ICE1: variants seen among roughly 807,000 people sequenced by gnomAD.
ICE1 encodes the protein little elongation complex subunit 1.
A neutral mutation model predicts 192.7 loss-of-function variants in ICE1; 64 were observed. That is an observed-to-expected ratio of 0.33 (90% CI 0.27 to 0.41). The LOEUF is 0.41. Among genes scored for constraint, ICE1 ranks in the 10% least tolerant of loss-of-function variants. ICE1 has a pLI of 1.00. For synonymous variants in ICE1, 1,010 were observed against 984.5 expected, an observed-to-expected ratio of 1.03 and a Z score of -0.49; for missense variants, 2,708 against 2,696.0, an observed-to-expected ratio of 1.00 and a Z score of -0.10.
At chr5:5,436,226 A>G (rs776872704) in intron 1 of ICE1, among the ~76,000 whole-genome samples, 192 bp from the exon 2 acceptor site, 1 of 152,162 alleles carries the variant, frequency 6.6e-6, no homozygotes, top group Non-Finnish European at 1.5e-5. Context: ...AAGGAGTACT[A>G]TCATTCAGAT....
intron 16 of ICE1, 59 bp from the exon 17 acceptor site, chr5:5,475,914 G>A (rs2111399312): frequency 1.0e-6 from 1 of 1,003,620 alleles, no homozygotes; most frequent in South Asian, 1.4e-5. Flanking sequence ...TCATTTATAA[G>A]ATATTAGTAT....
chr5:5,478,104 C>A (rs530697938), intron 17 of ICE1, among the ~76,000 whole-genome samples: 9 of 152,198 alleles, frequency 5.9e-5, no homozygotes, highest in Admixed American at 1.3e-4. Context: ...TGTTCAACAT[C>A]GTATTGGAAG....
chr5:5,486,865 C>G, intron 18 of ICE1, 46 bp downstream of exon 18: 4 of 1,433,894 alleles, frequency 2.8e-6, no homozygotes, highest in Non-Finnish European at 3.8e-6. Flanking sequence ...ACTTGTGTTT[C>G]TCATAGTTAA....
In ICE1 at chr5:5,457,515, G is replaced by A. The variant is rs751376178; in HGVS notation, c.875G>A (p.Cys292Tyr). ...AAACAGAGCTCCAGTGGAACAAATT[G>A]TAGTTCTGACCATGTTTTTAATGAG... ...VEKQSSSGTN[C>Y]SSDHVFNENG... The change falls in exon 12 of 19, where the codon TGT becomes TAT. Residue 292 changes from cysteine to tyrosine, a missense_variant. By Grantham distance (194) the Cys-to-Tyr change is radical (BLOSUM62 -2). Transcript: ENST00000296564. The A allele has an allele frequency of 1.2e-6, 2 of 1,613,790 alleles. No individual in the cohort carries two copies. The highest frequency in any genetic ancestry group is 1.3e-5 in the African/African-American group (1 of 74,904).
intron 14 of ICE1, among the ~76,000 whole-genome samples, chr5:5,467,429 GC>G (rs1435646363): frequency 6.6e-6 from 1 of 152,176 alleles, no homozygotes; most frequent in East Asian, 1.9e-4. Flanking sequence ...ACCACAGCAA[GC>G]CCATTCTTAG....
chr5:5,462,367 A>G lies in ICE1; in HGVS notation c.3033A>G (p.Ser1011=), dbSNP rs1409059517. The G allele has an allele frequency of 6.2e-7, 1 of 1,614,064 alleles. No individual in the cohort carries two copies. The highest frequency in any genetic ancestry group is 2.2e-5 in the East Asian group (1 of 44,878). ...TTCCAGCCACAGAAGTGACTGTGTC[A>G]GGAGGGTTTTCTGTTGAAGAAACCA... The part of the protein sequence containing the change: ...EMLPATEVTV[S]GGFSVEETSC... The change falls in exon 13 of 19, where the codon TCA becomes TCG. Residue 1011 remains serine (S), a synonymous_variant. Transcript: ENST00000296564.
At position 5,464,494 on chromosome 5, in the gene ICE1, G is replaced by A. The variant is rs1283970865; in HGVS notation, c.5160G>A (p.Thr1720=). 3 of 1,613,902 alleles carry A rather than the reference G, an allele frequency of 1.9e-6. No homozygotes were observed. Among genetic ancestry groups the A allele is most frequent in the Non-Finnish European group, 2.5e-6 (3 of 1,179,882 alleles). Residue 1720 remains threonine (T), a synonymous_variant, in exon 13 of 19, where the codon ACG becomes ACA. Transcript: ENST00000296564. The surrounding 1 kb of genome is among the most constrained non-coding windows in gnomAD (Gnocchi z 4.0). Reference sequence around the variant, plus strand: ...CTCCTCTGCAGTTCTGTGCGGCCACGCCGAAGCACGCACTTCCTGTGCCTG... The same window carrying A: ...CTCCTCTGCAGTTCTGTGCGGCCACACCGAAGCACGCACTTCCTGTGCCTG... The part of the protein sequence containing the change: ...VPSPLQFCAA[T]PKHALPVPGR...
In ICE1 at chr5:5,473,661, T is replaced by A; in HGVS notation, c.6326T>A (p.Leu2109Gln). The A allele has an allele frequency of 6.2e-7, 1 of 1,613,232 alleles. No individual in the cohort carries two copies. Among genetic ancestry groups the A allele is most frequent in the Non-Finnish European group, 8.5e-7 (1 of 1,179,396 alleles). The change falls in exon 16 of 19, where the codon CTA (leucine) becomes CAA (glutamine). Residue 2109 changes from leucine to glutamine, a missense_variant. Around this residue, in one of 2 missense-constraint regions of ICE1, gnomAD observed 342 missense variants for 419.3 expected, o/e 0.82. Transcript: ENST00000296564. ...CCTAGTGAAAAATTTGGTGAAGACC[T>A]AAGTGATAACACTTGGGAATACATA... ...FQPSEKFGED[L>Q]SDNTWEYIFA...
At chr5:5,478,007 C>T (rs1256502190) in intron 17 of ICE1, among the ~76,000 whole-genome samples, 10 of 152,192 alleles carry the variant, frequency 6.6e-5, no homozygotes, top group Non-Finnish European at 1.5e-4. Flanking sequence ...GACAAATCTA[C>T]AGCCAGTATC....
chr5:5,435,461 A>G (rs1367038283), intron 1 of ICE1, among the ~76,000 whole-genome samples: 1 of 152,128 alleles, frequency 6.6e-6, no homozygotes, highest in East Asian at 1.9e-4. Flanking sequence ...ATTACTTGTG[A>G]AGGGCTATTG....
chr5:5,439,425 T>TA (rs1372430699), intron 3 of ICE1, among the ~76,000 whole-genome samples: 3 of 152,152 alleles, frequency 2.0e-5, no homozygotes, highest in Admixed American at 2.0e-4. Context: ...ACATAAATTG[T>TA]AAAAAATGAG....
intron 10 of ICE1, among the ~76,000 whole-genome samples, chr5:5,453,351 C>G (rs184007674): frequency 9.9e-5 from 15 of 152,220 alleles, no homozygotes; most frequent in Admixed American, 9.8e-4. Flanking sequence ...TTCACACTTA[C>G]CCGTGAACTG....
chr5:5,462,504 G>A lies in ICE1; in HGVS notation c.3170G>A (p.Gly1057Asp), dbSNP rs780887638. ...TGGAAATTGAAATCTACAACTCCCG[G>A]TGGTGCTTTGCCTGAGTGTTTTGGC... ...GLWKLKSTTP[G>D]GALPECFGTT... Residue 1057 changes from glycine to aspartate, a missense_variant, in exon 13 of 19, where the codon GGT becomes GAT. Gly to Asp is a moderately conservative substitution (Grantham distance 94). Around this residue, in one of 2 missense-constraint regions of ICE1, gnomAD observed 2,366 missense variants for 2,276.6 expected, o/e 1.04. Transcript: ENST00000296564. 4 of 1,614,038 alleles carry A rather than the reference G, an allele frequency of 2.5e-6. No individual in the cohort carries two copies. The South Asian group carries it at 4.4e-5, about 18-fold the overall frequency.
chr5:5,438,240 T>A (rs3111175), intron 3 of ICE1, among the ~76,000 whole-genome samples: 1 of 151,676 alleles, frequency 6.6e-6, no homozygotes, highest in Non-Finnish European at 1.5e-5. Context: ...AGAACAGCAC[T>A]GGGGGACTGC....
At chr5:5,443,087 C>A in intron 5 of ICE1, 81 bp from the exon 6 acceptor site, 1 of 741,634 alleles carries the variant, frequency 1.3e-6, no homozygotes, top group Non-Finnish European at 2.2e-6. Flanking sequence ...TGGTTAATAG[C>A]TTATCAAAGG....
chr5:5,468,065 A>G (rs1739042031), intron 14 of ICE1, among the ~76,000 whole-genome samples: 2 of 152,260 alleles, frequency 1.3e-5, no homozygotes, highest in Admixed American at 1.3e-4. Context: ...GTTAAATACT[A>G]CTTGGCTATA....
Position 5,461,168 on chromosome 5 carries a change from G to A in ICE1, c.1834G>A (p.Asp612Asn). ...FTLGESPESEDDDSGDGMDVA... is the reference protein window; with the variant it reads ...FTLGESPESENDDSGDGMDVA... ...TTTAGGAGAATCACCTGAATCAGAA[G>A]ATGATGACTCAGGTGATGGAATGGA... The change falls in exon 13 of 19, where the codon GAT (aspartate) becomes AAT (asparagine). Residue 612 changes from aspartate (D) to asparagine (N), a missense_variant. Coordinates refer to ENST00000296564, the MANE Select transcript of ICE1 (RefSeq NM_015325.3). The A allele has an allele frequency of 6.2e-7, 1 of 1,613,978 alleles. No homozygotes were observed. Among genetic ancestry groups the A allele is most frequent in the Non-Finnish European group, 8.5e-7 (1 of 1,179,858 alleles).
chr5:5,445,264 C>T (rs1458820771), intron 7 of ICE1, among the ~76,000 whole-genome samples: 2 of 152,076 alleles, frequency 1.3e-5, no homozygotes, highest in South Asian at 2.1e-4. Context: ...CTAAATATTT[C>T]GGTAACAATT....
intron 17 of ICE1, among the ~76,000 whole-genome samples, chr5:5,485,739 A>T (rs537448951): frequency 6.6e-6 from 1 of 152,232 alleles, no homozygotes; most frequent in Admixed American, 6.5e-5. Context: ...CGAAATGCCA[A>T]CAATACCCAA....
Sources: gnomAD v4.1 joint callset for allele counts (sites outside exome capture counted in the v4.1 genomes callset) on GRCh38, gnomAD v4.1.1 for gene constraint, gnomAD v4.1.1 regional missense constraint, Gnocchi (gnomAD v3.1) non-coding constraint, MANE v1.5 for transcripts, NCBI Gene and HGNC (gene_info 2026-07-23, HGNC 2026-07-21) for gene names.